Variants in MCFD2 observed in about 807,000 individuals in gnomAD.
The protein encoded by MCFD2 is multiple coagulation factor deficiency 2, ER cargo receptor complex subunit, also known as multiple coagulation factor deficiency protein 2.
In MCFD2, 11 loss-of-function variants were observed where a neutral mutation model predicts 12.8. The observed-to-expected ratio is 0.86, with a 90% CI of 0.54 to 1.42. The LOEUF is 1.42. MCFD2 is among the 40% of genes most tolerant of loss of function. MCFD2 has a pLI of 0.00. For missense variants in MCFD2, 191 were observed against 178.6 expected (o/e 1.07, Z -0.40); for synonymous variants, 70 against 68.1 (o/e 1.03, Z -0.14).
chr2:46,930,719 C>T (rs1471154835), intron 1 of MCFD2, among the ~76,000 whole-genome samples: 7 of 152,014 alleles, frequency 4.6e-5, no homozygotes, highest in African/African-American at 1.4e-4. Flanking sequence ...AAGCTGGTCT[C>T]GAACTCCTGA....
chr2:46,902,461 A>G lies in MCFD2; in HGVS notation c.*3002T>C, dbSNP rs1668052090. ...AAAACCCTAGAAACGAGTGAAATAG[A>G]AAAGAAAGCTAAACCACTATTGATT... On this transcript the variant is annotated 3_prime_UTR_variant, in exon 4 of 4. Transcript: ENST00000319466. The G allele has an allele frequency of 6.5e-6, 1 of 152,786 alleles. No individual in the cohort carries two copies. Among genetic ancestry groups the G allele is most frequent in the South Asian group, 2.1e-4 (1 of 4,830 alleles). The allele number at this position is 152,786 out of a possible 1,614,324, so 9.5% of individuals were successfully genotyped here.
intron 1 of MCFD2, among the ~76,000 whole-genome samples, chr2:46,925,316 G>A (rs991551494): frequency 3.3e-5 from 5 of 152,122 alleles, no homozygotes; most frequent in Non-Finnish European, 7.3e-5. Context: ...CCAGCACTTT[G>A]GGAGGCTAAG....
intron 1 of MCFD2, among the ~76,000 whole-genome samples, chr2:46,910,026 A>G (rs1440272944): frequency 2.6e-5 from 4 of 152,214 alleles, no homozygotes; most frequent in African/African-American, 9.6e-5. Context: ...GGTCTGCGGC[A>G]GCGGACAAGG....
intron 1 of MCFD2, among the ~76,000 whole-genome samples, chr2:46,934,017 C>T (rs1669842624): frequency 6.6e-6 from 1 of 152,152 alleles, no homozygotes; most frequent in Non-Finnish European, 1.5e-5. Context: ...CCCAACTACT[C>T]ACAGCCATTG....
In MCFD2 at chr2:46,904,752, T is replaced by C. The variant is rs901049690; in HGVS notation, c.*711A>G. Reference sequence around the variant, plus strand: ...GACTTGCCTTGTCTCAGATGAGACTTTGGACTGTGGATTTTTGCGTTAATG... The same window carrying C: ...GACTTGCCTTGTCTCAGATGAGACTCTGGACTGTGGATTTTTGCGTTAATG... On this transcript the variant is annotated 3_prime_UTR_variant, in exon 4 of 4. Transcript: ENST00000319466. 1 of 153,946 alleles carries C rather than the reference T, an allele frequency of 6.5e-6. No individual in the cohort carries two copies. The highest frequency in any genetic ancestry group is 2.4e-5 in the African/African-American group (1 of 41,438). 9.5% of individuals were successfully genotyped at this position (153,946 alleles called of 1,614,324 possible).
At chr2:46,917,276 G>T (rs1307413795), upstream of MCFD2, 2 of 679,248 alleles carry the variant, frequency 2.9e-6, no homozygotes, top group Admixed American at 2.3e-5. Flanking sequence ...GGGATTACAG[G>T]GGTGAGCCAC....
intron 1 of MCFD2, among the ~76,000 whole-genome samples, chr2:46,915,165 G>A (rs1017140573): frequency 6.6e-6 from 1 of 152,228 alleles, no homozygotes; most frequent in East Asian, 1.9e-4. Flanking sequence ...GTAGGGCAGG[G>A]GGATGGGACT....
In MCFD2 at chr2:46,941,750, G is replaced by T. The variant is rs772267266; in HGVS notation, c.-186C>A. ...GGTGAGTAAGGGAAGAGGCTGGCTCGCCGGCAGCGAGCGCGCGAAACGCAC... is the reference window on the plus strand; with the variant it reads ...GGTGAGTAAGGGAAGAGGCTGGCTCTCCGGCAGCGAGCGCGCGAAACGCAC... On this transcript the variant is annotated 5_prime_UTR_variant, in exon 1 of 3. Coordinates refer to the MCFD2 transcript ENST00000409147. This position sits in a 1 kb window ranked among gnomAD's most constrained non-coding sequence, Gnocchi z 4.2. 1,159 of 1,547,106 alleles carry T rather than the reference G, an allele frequency of 7.5e-4. 1 individual carries two copies. Among genetic ancestry groups the T allele is most frequent in the Non-Finnish European group, 9.7e-4 (1,112 of 1,145,684 alleles).
At chr2:46,938,275 A>G (rs1211976095) in intron 1 of MCFD2, among the ~76,000 whole-genome samples, 1 of 152,240 alleles carries the variant, frequency 6.6e-6, no homozygotes, top group East Asian at 1.9e-4. Context: ...GTAAAGGACA[A>G]CCTTACAAAC....
At chr2:46,923,517 C>T (rs961179679) in intron 1 of MCFD2, among the ~76,000 whole-genome samples, 5 of 152,174 alleles carry the variant, frequency 3.3e-5, no homozygotes, top group African/African-American at 9.7e-5. Context: ...CTTGGAGAGT[C>T]CTAGCCATAT....
At chr2:46,918,164 C>T (rs1668912282), upstream of MCFD2, among the ~76,000 whole-genome samples, 1 of 152,116 alleles carries the variant, frequency 6.6e-6, no homozygotes. Flanking sequence ...CCCCCAAAAT[C>T]TTGATTTTCA....
At chr2:46,924,120 C>T (rs1287198496) in intron 1 of MCFD2, among the ~76,000 whole-genome samples, 1 of 151,754 alleles carries the variant, frequency 6.6e-6, no homozygotes, top group East Asian at 1.9e-4. Context: ...GAGAGGATCG[C>T]CTGGGCCCAG....
rs754442571 is a variant in MCFD2, at chr2:46,907,916, G to A, written c.203C>T (p.Ser68Leu). The A allele has an allele frequency of 1.5e-5, 24 of 1,614,174 alleles. No homozygotes were observed. The East Asian group carries it at 2.5e-4, about 16-fold the overall frequency. Residue 68 changes from serine to leucine, a missense_variant, in exon 3 of 4, where the codon TCG becomes TTG. Coordinates refer to ENST00000319466, the MANE Select transcript of MCFD2 (RefSeq NM_139279.6). This position sits in a 1 kb window ranked among gnomAD's most constrained non-coding sequence, Gnocchi z 4.1. ...GTAATGGAGCTGCAATTCTTGTGGC[G>A]ACATCTCCGCCTCTGGTTTGTTGAT... ...GVINKPEAEM[S>L]PQELQLHYFK... is the part of the protein sequence containing the mutation.
At position 46,902,070 on chromosome 2, in the gene MCFD2, G is replaced by A. The variant is rs754159439; in HGVS notation, c.*3393C>T. The A allele has an allele frequency of 3.9e-5, 6 of 152,578 alleles. No homozygotes were observed. Among genetic ancestry groups the A allele is most frequent in the East Asian group, 1.9e-4 (1 of 5,196 alleles). 9.5% of individuals were successfully genotyped at this position (152,578 alleles called of 1,614,324 possible). ...GAAAATAAGTCTGTATACATCCTAC[G>A]ACAAATTTTGTAGTCTCTTTTTCCC... On this transcript the variant is annotated 3_prime_UTR_variant, in exon 4 of 4. Coordinates refer to ENST00000319466, the MANE Select transcript of MCFD2 (RefSeq NM_139279.6).
intron 1 of MCFD2, among the ~76,000 whole-genome samples, chr2:46,920,894 GAAAT>G (rs1333578737): frequency 2.0e-5 from 3 of 149,506 alleles, no homozygotes; most frequent in Non-Finnish European, 4.4e-5. Context: ...GGTACTTAAA[GAAAT>G]AAATATATGA....
chr2:46,927,514 G>T (rs977246726), intron 1 of MCFD2, among the ~76,000 whole-genome samples: 1 of 151,796 alleles, frequency 6.6e-6, no homozygotes, highest in Non-Finnish European at 1.5e-5. Context: ...CCGCCACCAC[G>T]CCCGGCTAAT....
chr2:46,926,994 T>C (rs1264625756), intron 1 of MCFD2, among the ~76,000 whole-genome samples: 1 of 152,050 alleles, frequency 6.6e-6, no homozygotes, highest in Non-Finnish European at 1.5e-5. Flanking sequence ...AACTACAGTT[T>C]AGACACACGA....
Position 46,904,393 on chromosome 2 carries a change from GA to G in MCFD2, c.*1069del. 1 of 153,894 alleles carries G rather than the reference GA, an allele frequency of 6.5e-6. No individual in the cohort carries two copies. Among genetic ancestry groups the G allele is most frequent in the Non-Finnish European group, 1.4e-5 (1 of 71,778 alleles). 9.5% of individuals were successfully genotyped at this position (153,894 alleles called of 1,614,324 possible). A position where few individuals can be genotyped will look rare whatever the true frequency, so the allele number is the denominator to read the frequency against. On this transcript the variant is annotated 3_prime_UTR_variant, in exon 4 of 4. Transcript: ENST00000319466. ...ACCAACAGCTTGCACCGTGCACCTG[GA>G]AAAGCCGCAGGCACTGAACAACAGC...
At chr2:46,930,177 C>T (rs1227615683) in intron 1 of MCFD2, among the ~76,000 whole-genome samples, 1 of 151,894 alleles carries the variant, frequency 6.6e-6, no homozygotes, top group Non-Finnish European at 1.5e-5. Context: ...AAAATTAATG[C>T]AGTGGAAAGC....
Sources: allele counts gnomAD v4.1 joint callset (sites outside exome capture counted in the v4.1 genomes callset), GRCh38; gene constraint gnomAD v4.1.1; non-coding constraint Gnocchi (gnomAD v3.1); transcripts MANE v1.5; gene names NCBI Gene and HGNC (gene_info 2026-07-23, HGNC 2026-07-21).